HELQ: variants seen among roughly 807,000 people sequenced by gnomAD.
HELQ encodes helicase POLQ-like.
Under a neutral mutation model 111.6 loss-of-function variants are expected in HELQ, and 77 were observed. The observed-to-expected ratio is 0.69, with a 90% CI of 0.57 to 0.83. HELQ has a LOEUF of 0.83. HELQ is among the 40% of genes least tolerant of loss of function. HELQ has a pLI of 0.00. For missense variants in HELQ, 1,200 were observed against 1,288.5 expected (o/e 0.93, Z 1.05); for synonymous variants, 438 against 454.7 (o/e 0.96, Z 0.47).
chr4:83,443,354 T>G (rs922441998), intron 6 of HELQ, 163 bp downstream of exon 6: 4 of 153,166 alleles, frequency 2.6e-5, no homozygotes, highest in African/African-American at 9.7e-5. Context: ...ACACAAACTC[T>G]TAAATTCTCT....
chr4:83,450,687 C>A (rs907105580), intron 2 of HELQ, among the ~76,000 whole-genome samples: 1 of 151,002 alleles, frequency 6.6e-6, no homozygotes, highest in Non-Finnish European at 1.5e-5. Flanking sequence ...AAAAACTAGC[C>A]GGGTACAATG....
chr4:83,418,259 G>A, intron 15 of HELQ, 53 bp from the exon 16 acceptor site: 1 of 1,105,394 alleles, frequency 9.0e-7, no homozygotes, highest in Non-Finnish European at 1.3e-6. Context: ...TTATTTCAAA[G>A]TTTGGTTTGT....
chr4:83,442,260 A>ATTTTTTTTTTTTT (rs70949710), intron 6 of HELQ, among the ~76,000 whole-genome samples: 1 of 82,080 alleles, frequency 1.2e-5, no homozygotes, highest in Non-Finnish European at 2.2e-5. Context: ...AAAAACATCA[A>ATTTTTTTTTTTTT]TTTTTTTTTT....
At chr4:83,452,248 T>A (rs927703722) in intron 2 of HELQ, among the ~76,000 whole-genome samples, 2 of 152,240 alleles carry the variant, frequency 1.3e-5, no homozygotes, top group Non-Finnish European at 2.9e-5. Flanking sequence ...TGAGATTTTT[T>A]TTTTTGCAAT....
chr4:83,441,519 A>G (rs886629056), intron 6 of HELQ, 116 bp from the exon 7 acceptor site: 3 of 544,454 alleles, frequency 5.5e-6, no homozygotes, highest in African/African-American at 4.0e-5. Context: ...AGCTTTTCTA[A>G]GATACATAAA....
At chr4:83,432,913 G>A (rs1720233875) in intron 9 of HELQ, among the ~76,000 whole-genome samples, 2 of 151,902 alleles carry the variant, frequency 1.3e-5, no homozygotes, top group South Asian at 4.2e-4. Flanking sequence ...ACAAAAAACT[G>A]GCTGGGCATG....
intron 9 of HELQ, among the ~76,000 whole-genome samples, chr4:83,433,370 A>C (rs1454064539): frequency 6.6e-6 from 1 of 152,194 alleles, no homozygotes; most frequent in Admixed American, 6.5e-5. Context: ...TATCCACAAT[A>C]TAAGAGTAGA....
At chr4:83,432,301 A>C (rs748820053) in intron 9 of HELQ, 34 bp from the exon 10 acceptor site, 1 of 1,452,274 alleles carries the variant, frequency 6.9e-7, no homozygotes, top group South Asian at 1.6e-5. Flanking sequence ...ACTCTACAGC[A>C]AACAGCACCA....
Position 83,427,710 on chromosome 4 carries a change from A to G in HELQ, c.2529T>C (p.Asp843=). 1.3e-6 allele frequency: 2 copies of G among 1,545,444 alleles called. No individual in the cohort carries two copies. Among genetic ancestry groups the G allele is most frequent in the Non-Finnish European group, 1.7e-6 (2 of 1,149,506 alleles). The change falls in exon 13 of 18, where the codon GAT becomes GAC. Residue 843 remains aspartate (D), a synonymous_variant. Transcript: ENST00000295488. ...TGTACAGAATGTCACAATAAGCTAA[A>G]TCTATAGTTCCTAAAAGAAAGATAC... ...LGRASFKGTI[D]LAYCDILYRD...
At chr4:83,447,997 G>A (rs141021597) in intron 3 of HELQ, among the ~76,000 whole-genome samples, 1,820 of 151,810 alleles carry the variant, frequency 0.012, 28 homozygotes, top group African/African-American at 0.042. Flanking sequence ...ATCACTTTAG[G>A]TCAGAAGTTC....
chr4:83,448,083 A>T (rs528769915), intron 3 of HELQ, among the ~76,000 whole-genome samples: 4 of 151,528 alleles, frequency 2.6e-5, no homozygotes, highest in African/African-American at 9.7e-5. Context: ...GGTGGCACAC[A>T]CCTGCAATCC....
At chr4:83,410,034 T>C (rs542565074) in intron 17 of HELQ, among the ~76,000 whole-genome samples, 1 of 152,172 alleles carries the variant, frequency 6.6e-6, no homozygotes, top group African/African-American at 2.4e-5. Context: ...GAGGATTGCT[T>C]GAGGCCAGAA....
intron 17 of HELQ, among the ~76,000 whole-genome samples, chr4:83,408,307 G>A (rs766500345): frequency 6.6e-6 from 1 of 151,586 alleles, no homozygotes; most frequent in Non-Finnish European, 1.5e-5. Context: ...GCTGGAGCAC[G>A]GTGGCGTGAT....
intron 17 of HELQ, among the ~76,000 whole-genome samples, chr4:83,416,265 G>A (rs1206590488): frequency 1.3e-5 from 2 of 151,528 alleles, no homozygotes; most frequent in African/African-American, 4.9e-5. Flanking sequence ...TGGGGCGGGG[G>A]GACAGGGTCT....
intron 5 of HELQ, among the ~76,000 whole-genome samples, chr4:83,444,586 G>A (rs957728023): frequency 2.6e-5 from 4 of 152,054 alleles, no homozygotes; most frequent in African/African-American, 9.7e-5. Context: ...ATGACATCCT[G>A]GGCAATACAA....
At chr4:83,453,203 AT>A (rs1316349645) in intron 2 of HELQ, 27 bp downstream of exon 2, 2 of 1,466,050 alleles carry the variant, frequency 1.4e-6, no homozygotes, top group Non-Finnish European at 1.9e-6. Flanking sequence ...TAGGAAAAAA[AT>A]TTTTTTATTC....
chr4:83,431,948 T>C (rs925227235), intron 10 of HELQ, among the ~76,000 whole-genome samples, 178 bp downstream of exon 10: 7 of 152,082 alleles, frequency 4.6e-5, no homozygotes, highest in Non-Finnish European at 8.8e-5. Flanking sequence ...AGGAAAAATA[T>C]TTTTTCATTG....
rs1490586060 is a variant in HELQ, at chr4:83,453,661, A to G, written c.582T>C (p.Asp194=). 1.9e-6 allele frequency: 3 copies of G among 1,614,074 alleles called. No homozygotes were observed. The highest frequency in any genetic ancestry group is 2.7e-5 in the African/African-American group (2 of 74,936). ...TIEPGADLLY[D]VPSSQAIYFE... ...AGTATATAGCCTGTGAGGAAGGTACATCATACAAAAGATCAGCTCCAGGTT... is the reference window on the plus strand; with the variant it reads ...AGTATATAGCCTGTGAGGAAGGTACGTCATACAAAAGATCAGCTCCAGGTT... Residue 194 remains aspartate (D), a synonymous_variant, in exon 2 of 18, where the codon GAT becomes GAC. Coordinates refer to ENST00000295488, the MANE Select transcript of HELQ (RefSeq NM_133636.5).
chr4:83,416,871 A>C lies in HELQ; in HGVS notation c.3064-6T>G. 6.3e-7 allele frequency: 1 copy of C among 1,588,700 alleles called. No individual in the cohort carries two copies. Among genetic ancestry groups the C allele is most frequent in the Non-Finnish European group, 8.5e-7 (1 of 1,171,494 alleles). On this transcript the variant is annotated splice_polypyrimidine_tract_variant and splice_region_variant and intron_variant, in intron 16 of 17. Coordinates refer to ENST00000295488, the MANE Select transcript of HELQ (RefSeq NM_133636.5). The stretch of plus-strand genomic sequence containing the variant: ...TATAACTGTTTTGCTCGACCCTGAA[A>C]AGTGTTACAAAAATCAGTAGGATAA...
Sources: allele counts gnomAD v4.1 joint callset (sites outside exome capture counted in the v4.1 genomes callset), GRCh38; gene constraint gnomAD v4.1.1; transcripts MANE v1.5; gene names NCBI Gene and HGNC (gene_info 2026-07-23, HGNC 2026-07-21).